ANO10: variants seen among roughly 807,000 people sequenced by gnomAD.
ANO10 encodes anoctamin-10.
ANO10 carries 77 observed loss-of-function variants against 74.7 expected under a neutral mutation model. The observed-to-expected ratio is 1.03, with a 90% confidence interval of 0.86 to 1.25. The LOEUF (loss-of-function observed/expected upper bound fraction) is 1.25, where lower values mean the gene tolerates loss of function less well. ANO10 is among the 50% of genes most tolerant of loss of function. The pLI, the probability that ANO10 is intolerant of heterozygous loss-of-function variation, is 0.00. For synonymous variants in ANO10, 279 were observed against 284.9 expected (o/e 0.98, Z 0.21); for missense variants, 721 against 778.1 (o/e 0.93, Z 0.87).
intron 1 of ANO10, among the ~76,000 whole-genome samples, chr3:43,613,964 A>G (rs2082959788): frequency 6.6e-6 from 1 of 152,202 alleles, no homozygotes; most frequent in Non-Finnish European, 1.5e-5. Context: ...CTGTCTGGGA[A>G]GGGATGATGG....
Position 43,605,824 on chromosome 3 carries a change from G to C in ANO10, c.29C>G (p.Thr10Ser), listed in dbSNP as rs781738943. Reference protein sequence around the residue: MKVTLSALDTSESSFTPLVV... With the variant: MKVTLSALDSSESSFTPLVV... ...CAAAGGTGTGAAAGAACTCTCAGAA[G>C]TATCCAAAGCTGATAAGGTCACTTT... The change falls in exon 2 of 13, where the codon ACT becomes AGT. Residue 10 changes from threonine (T) to serine (S), a missense_variant. Coordinates refer to ENST00000292246, the MANE Select transcript of ANO10 (RefSeq NM_018075.5). 6 of 1,613,710 alleles carry C rather than the reference G, an allele frequency of 3.7e-6. No individual in the cohort carries two copies. The highest frequency in any genetic ancestry group is 5.1e-6 in the Non-Finnish European group (6 of 1,179,752).
At chr3:43,665,691 A>G (rs944911735) in intron 1 of ANO10, among the ~76,000 whole-genome samples, 1 of 152,164 alleles carries the variant, frequency 6.6e-6, no homozygotes, top group African/African-American at 2.4e-5. Flanking sequence ...CAAGAACACA[A>G]TATGAGTAAT....
At chr3:43,458,235 G>C (rs1314424385) in intron 11 of ANO10, among the ~76,000 whole-genome samples, 1 of 152,102 alleles carries the variant, frequency 6.6e-6, no homozygotes, top group Non-Finnish European at 1.5e-5. Flanking sequence ...CTAGTCAAGA[G>C]ACCCCCTGCA....
chr3:43,487,820 CA>C (rs1246793714), intron 11 of ANO10, among the ~76,000 whole-genome samples: 1 of 151,828 alleles, frequency 6.6e-6, no homozygotes, highest in African/African-American at 2.4e-5. Flanking sequence ...TCCTTCAGTT[CA>C]AAAGTTCATA....
At chr3:43,594,358 G>A (rs576122820) in intron 4 of ANO10, among the ~76,000 whole-genome samples, 4 of 152,264 alleles carry the variant, frequency 2.6e-5, no homozygotes, top group African/African-American at 9.6e-5. Flanking sequence ...CACATAGTCG[G>A]AAGTAAAGTA....
intron 11 of ANO10, among the ~76,000 whole-genome samples, chr3:43,490,234 G>T (rs2076667262): frequency 6.6e-6 from 1 of 152,142 alleles, no homozygotes; most frequent in Admixed American, 6.6e-5. Context: ...CCCCTTCTCA[G>T]ATCTCCAACT....
chr3:43,589,839 G>C (rs1288454269), intron 4 of ANO10, among the ~76,000 whole-genome samples: 1 of 152,072 alleles, frequency 6.6e-6, no homozygotes, highest in Non-Finnish European at 1.5e-5. Context: ...GAATGAGTTA[G>C]GCTTAATTTG....
intron 12 of ANO10, among the ~76,000 whole-genome samples, chr3:43,404,240 A>C (rs1313413872): frequency 6.6e-6 from 1 of 152,180 alleles, no homozygotes; most frequent in Non-Finnish European, 1.5e-5. Context: ...TCATGCTGCG[A>C]GAGGACCTAT....
chr3:43,620,968 G>C (rs1442287785), intron 1 of ANO10, among the ~76,000 whole-genome samples: 2 of 152,040 alleles, frequency 1.3e-5, no homozygotes, highest in Non-Finnish European at 2.9e-5. Context: ...ATGCAGAATG[G>C]GCCCTTAGAA....
intron 12 of ANO10, among the ~76,000 whole-genome samples, chr3:43,411,621 G>C (rs945560264): frequency 6.6e-5 from 10 of 152,168 alleles, no homozygotes; most frequent in African/African-American, 2.2e-4. Flanking sequence ...CTTCCACAGG[G>C]CTCCATGGTG....
At chr3:43,374,636 C>G (rs1206040214) in intron 12 of ANO10, among the ~76,000 whole-genome samples, 1 of 152,214 alleles carries the variant, frequency 6.6e-6, no homozygotes, top group East Asian at 1.9e-4. Context: ...GATCACACTT[C>G]TAATCCATGA....
chr3:43,375,365 T>A (rs552224699), intron 12 of ANO10, among the ~76,000 whole-genome samples: 1 of 150,942 alleles, frequency 6.6e-6, no homozygotes, highest in African/African-American at 2.4e-5. Context: ...GGAGAATCGC[T>A]TGAACCCGAG....
At chr3:43,375,054 G>A (rs919659336) in intron 12 of ANO10, among the ~76,000 whole-genome samples, 25 of 152,014 alleles carry the variant, frequency 1.6e-4, no homozygotes, top group Admixed American at 1.3e-4. Context: ...CCGGGAGGCG[G>A]AGGGTGCAGT....
At chr3:43,622,312 G>A (rs146300531), upstream of ANO10, among the ~76,000 whole-genome samples, 2 of 152,312 alleles carry the variant, frequency 1.3e-5, no homozygotes, top group East Asian at 3.9e-4. Context: ...ATCGAAATCC[G>A]GACGGCAGCG....
chr3:43,406,905 AT>A (rs34174829), intron 12 of ANO10, among the ~76,000 whole-genome samples: 29,143 of 142,992 alleles, frequency 0.2, 3,183 homozygotes, highest in Middle Eastern at 0.37. Flanking sequence ...CGCAACAGAG[AT>A]TTTTTTTTTT....
chr3:43,444,344 A>G (rs2093209179), intron 11 of ANO10, among the ~76,000 whole-genome samples: 1 of 152,188 alleles, frequency 6.6e-6, no homozygotes, highest in African/African-American at 2.4e-5. Flanking sequence ...CAGTTTCTAG[A>G]GCAGATCTGA....
intron 11 of ANO10, among the ~76,000 whole-genome samples, chr3:43,506,129 C>T (rs1249091755): frequency 6.6e-6 from 1 of 152,086 alleles, no homozygotes; most frequent in African/African-American, 2.4e-5. Flanking sequence ...AGATATAATG[C>T]TCTTACAGTA....
chr3:43,682,668 C>G (rs553145937), intron 1 of ANO10, among the ~76,000 whole-genome samples: 22 of 152,116 alleles, frequency 1.4e-4, no homozygotes, highest in Middle Eastern at 3.4e-3. Context: ...GAACATTGAT[C>G]CAAAAATCCT....
chr3:43,383,287 A>G (rs1443933311), intron 12 of ANO10, among the ~76,000 whole-genome samples: 1 of 152,040 alleles, frequency 6.6e-6, no homozygotes, highest in Non-Finnish European at 1.5e-5. Flanking sequence ...CACTGTCTCT[A>G]CTAAAAATAC....
Sources: gnomAD v4.1 joint callset for allele counts (sites outside exome capture counted in the v4.1 genomes callset) on GRCh38, gnomAD v4.1.1 for gene constraint, MANE v1.5 for transcripts, NCBI Gene and HGNC (gene_info 2026-07-23, HGNC 2026-07-21) for gene names.